The following DDAH1 variants were observed in gnomAD, a reference collection of about 807,000 sequenced individuals.
DDAH1 encodes the protein N(G),N(G)-dimethylarginine dimethylaminohydrolase 1.
DDAH1 carries 19 observed loss-of-function variants against 28.8 expected under a neutral mutation model. That is an observed-to-expected ratio of 0.66 (90% CI 0.46 to 0.97). DDAH1 has a LOEUF of 0.97. Among genes scored for constraint, DDAH1 ranks in the 50% least tolerant of loss-of-function variants. The pLI, the probability that DDAH1 is intolerant of heterozygous loss-of-function variation, is 0.00. For synonymous variants in DDAH1, 153 were observed against 154.4 expected, an observed-to-expected ratio of 0.99 and a Z score of 0.07; for missense variants, 326 against 375.9, an observed-to-expected ratio of 0.87 and a Z score of 1.10.
chr1:85,518,981 T>C (rs1657570939), intron 1 of DDAH1, among the ~76,000 whole-genome samples: 1 of 151,860 alleles, frequency 6.6e-6, no homozygotes, highest in African/African-American at 2.4e-5. Flanking sequence ...ACTGTGTTAC[T>C]GACATAGAAG....
At position 85,566,666 on chromosome 1, in the gene DDAH1, A is replaced by G. The variant is rs117191156; in HGVS notation, c.-123+11318T>C. ...ATACTAATCAAAAGAAAACTAGAAT[A>G]GGGATTAGATTTCAGAACAAAGAAT... On this transcript the variant is annotated intron_variant, in intron 1 of 6. Coordinates refer to the DDAH1 transcript ENST00000426972. Among the ~76,000 whole-genome samples the G allele has an allele frequency of 9.5e-4, 144 of 152,296 alleles. 3 individuals carry two copies. The East Asian group carries it at 0.016, about 17-fold the overall frequency.
intron 1 of DDAH1, among the ~76,000 whole-genome samples, chr1:85,562,754 T>C (rs564559450): frequency 6.6e-6 from 1 of 152,206 alleles, no homozygotes; most frequent in Non-Finnish European, 1.5e-5. Context: ...AGCATGGCCC[T>C]GCTAACACCT....
At chr1:85,345,248 C>T (rs1439246647) in intron 4 of DDAH1, among the ~76,000 whole-genome samples, 1 of 151,720 alleles carries the variant, frequency 6.6e-6, no homozygotes, top group Non-Finnish European at 1.5e-5. Flanking sequence ...AACTGGAGTA[C>T]TCATCTTTTT....
chr1:85,540,291 A>C (rs1410473651), intron 1 of DDAH1, among the ~76,000 whole-genome samples: 1 of 151,936 alleles, frequency 6.6e-6, no homozygotes, highest in Non-Finnish European at 1.5e-5. Flanking sequence ...TGTTCCTTAC[A>C]TTTACCCAGC....
At chr1:85,542,933 A>T (rs1320508689) in intron 1 of DDAH1, among the ~76,000 whole-genome samples, 1 of 152,202 alleles carries the variant, frequency 6.6e-6, no homozygotes. Context: ...GGACATCATT[A>T]TCTCAGTTTC....
At chr1:85,525,331 C>G (rs1216343632) in intron 1 of DDAH1, among the ~76,000 whole-genome samples, 1 of 151,974 alleles carries the variant, frequency 6.6e-6, no homozygotes, top group Non-Finnish European at 1.5e-5. Flanking sequence ...TTCTTCTCTC[C>G]CTACACATAT....
intron 1 of DDAH1, among the ~76,000 whole-genome samples, chr1:85,370,473 C>T (rs1370044765): frequency 6.6e-6 from 1 of 152,176 alleles, no homozygotes; most frequent in Non-Finnish European, 1.5e-5. Flanking sequence ...TTGGAAGTCA[C>T]TGGAGAGTCT....
In DDAH1 at chr1:85,324,987, C is replaced by T. The variant is rs991402739; in HGVS notation, c.598-104G>A. On this transcript the variant is annotated intron_variant, in intron 4 of 5. Transcript: ENST00000284031. ...ACAAGCTTGGAACTGACACTTTAGG[C>T]TGTTCCTCTGTTCAAATTCCCATCT... The T allele has an allele frequency of 2.8e-5, 38 of 1,334,254 alleles. No individual in the cohort carries two copies. The Admixed American group carries it at 4.0e-4, about 14-fold the overall frequency. 82.7% of individuals were successfully genotyped at this position (1,334,254 alleles called of 1,614,324 possible).
intron 2 of DDAH1, among the ~76,000 whole-genome samples, chr1:85,473,539 TGTGAA>T (rs1655691730): frequency 6.6e-6 from 1 of 152,130 alleles, no homozygotes; most frequent in African/African-American, 2.4e-5. Context: ...TTCATTTCCT[TGTGAA>T]ATGAAGTTGC....
intron 1 of DDAH1, among the ~76,000 whole-genome samples, chr1:85,516,221 A>T (rs1393628500): frequency 6.6e-6 from 1 of 152,044 alleles, no homozygotes; most frequent in Non-Finnish European, 1.5e-5. Flanking sequence ...AGCCCATAAC[A>T]CATGGGATAG....
At chr1:85,426,021 C>T (rs1371876937) in intron 1 of DDAH1, among the ~76,000 whole-genome samples, 1 of 152,076 alleles carries the variant, frequency 6.6e-6, no homozygotes, top group Non-Finnish European at 1.5e-5. Context: ...ACGTTCATTA[C>T]TAACAGGGAT....
chr1:85,394,121 C>T (rs7515261), intron 1 of DDAH1, among the ~76,000 whole-genome samples: 124,506 of 152,176 alleles, frequency 0.82, 51,081 homozygotes, highest in Middle Eastern at 0.9. Flanking sequence ...GTGTCTGCAC[C>T]AAAATTCGTG....
intron 1 of DDAH1, among the ~76,000 whole-genome samples, chr1:85,525,567 TCACACACA>T (rs3058870): frequency 1.3e-5 from 2 of 148,984 alleles, no homozygotes; most frequent in Admixed American, 6.7e-5. Flanking sequence ...AGAATGATAT[TCACACACA>T]CACACACACA....
At chr1:85,572,060 C>T (rs1659473134) in intron 1 of DDAH1, among the ~76,000 whole-genome samples, 1 of 152,146 alleles carries the variant, frequency 6.6e-6, no homozygotes, top group African/African-American at 2.4e-5. Flanking sequence ...CTCTGCCTGC[C>T]TCAGGTAACA....
chr1:85,460,560 A>G (rs1452351909), intron 1 of DDAH1, among the ~76,000 whole-genome samples: 1 of 152,224 alleles, frequency 6.6e-6, no homozygotes. Flanking sequence ...GTTAAAAAGG[A>G]GCAATCCTAG....
At chr1:85,360,160 A>T (rs1308590364) in intron 1 of DDAH1, among the ~76,000 whole-genome samples, 2 of 152,236 alleles carry the variant, frequency 1.3e-5, no homozygotes, top group African/African-American at 4.8e-5. Flanking sequence ...AGTAATAAAA[A>T]TATGGAAATA....
chr1:85,464,413 A>G lies in DDAH1; in HGVS notation c.303+330T>C. 2.3e-6 allele frequency: 3 copies of G among 1,314,544 alleles called. No individual in the cohort carries two copies. The highest frequency in any genetic ancestry group is 2.0e-6 in the Non-Finnish European group (2 of 982,646). 81.4% of individuals were successfully genotyped at this position (1,314,544 alleles called of 1,614,324 possible). On this transcript the variant is annotated intron_variant, in intron 1 of 5. Coordinates refer to ENST00000284031, the MANE Select transcript of DDAH1 (RefSeq NM_012137.4). This position sits in a 1 kb window ranked among gnomAD's most constrained non-coding sequence, Gnocchi z 4.4. ...CCTCGCGGCCCTCGCTCCCTGGGAA[A>G]CACTCAGAGTTGCACTGTCGTCGCT...
chr1:85,351,618 C>T (rs769204464), intron 2 of DDAH1, 39 bp from the exon 3 acceptor site: 1 of 1,433,084 alleles, frequency 7.0e-7, no homozygotes, highest in African/African-American at 1.4e-5. Context: ...GCAGGTGGCA[C>T]CAGTGACTGT....
At chr1:85,558,548 A>G (rs1659048417) in intron 1 of DDAH1, among the ~76,000 whole-genome samples, 1 of 152,180 alleles carries the variant, frequency 6.6e-6, no homozygotes, top group South Asian at 2.1e-4. Context: ...AAGTGACTCC[A>G]GTTCTAGTTT....
Sources: allele counts gnomAD v4.1 joint callset (sites outside exome capture counted in the v4.1 genomes callset), GRCh38; gene constraint gnomAD v4.1.1; non-coding constraint Gnocchi (gnomAD v3.1); transcripts MANE v1.5; gene names NCBI Gene and HGNC (gene_info 2026-07-23, HGNC 2026-07-21).